LAMP1: variants seen among roughly 807,000 people sequenced by gnomAD.
LAMP1 encodes lysosome associated membrane protein 1, also known as lysosome-associated membrane glycoprotein 1.
LAMP1 carries 7 observed loss-of-function variants against 37.5 expected under a neutral mutation model. That is an observed-to-expected ratio of 0.19 (90% CI 0.11 to 0.35). LAMP1 has a LOEUF of 0.35. Among genes scored for constraint, LAMP1 ranks in the 10% least tolerant of loss-of-function variants. The probability of loss-of-function intolerance (pLI) is 1.00; values close to 1 mark genes in which losing one functional copy is unlikely to be tolerated. For missense variants in LAMP1, 537 were observed against 552.8 expected, an observed-to-expected ratio of 0.97 and a Z score of 0.29; for synonymous variants, 236 against 229.1, an observed-to-expected ratio of 1.03 and a Z score of -0.27.
At chr13:113,308,519 T>G (rs899349109) in intron 2 of LAMP1, among the ~76,000 whole-genome samples, 1 of 151,546 alleles carries the variant, frequency 6.6e-6, no homozygotes, top group African/African-American at 2.4e-5. Context: ...GAGACAGGGA[T>G]TCTCCATGTT....
chr13:113,321,802 C>G lies in LAMP1; in HGVS notation c.1114+75C>G. ...GACTCCGCCTGTGGACGTTTAGTCG[C>G]TTCCGTGTGGGCTGGGGCGACGCCC... On this transcript the variant is annotated intron_variant, in intron 8 of 8. Transcript: ENST00000332556. The surrounding 1 kb of genome is among the most constrained non-coding windows in gnomAD (Gnocchi z 5.6). 1 of 1,464,170 alleles carries G rather than the reference C, an allele frequency of 6.8e-7. No homozygotes were observed. Among genetic ancestry groups the G allele is most frequent in the Non-Finnish European group, 9.4e-7 (1 of 1,062,040 alleles). 90.7% of individuals were successfully genotyped at this position (1,464,170 alleles called of 1,614,324 possible).
rs561196228 is a variant in LAMP1, at chr13:113,316,398, C to T, written c.563-3071C>T. Among the ~76,000 whole-genome samples the T allele has an allele frequency of 2.0e-5, 3 of 149,842 alleles. No individual in the cohort carries two copies. In the South Asian group the frequency reaches 6.4e-4, roughly 32 times the overall value. On this transcript the variant is annotated intron_variant, in intron 4 of 8. Coordinates refer to ENST00000332556, the MANE Select transcript of LAMP1 (RefSeq NM_005561.4). ...GTTGAAAATGAAGGTCACCGTGTCT[C>T]ATCTCCCACCCAATTTGGCATGATT...
chr13:113,302,629 T>G (rs1190081469), intron 1 of LAMP1, among the ~76,000 whole-genome samples: 1 of 152,158 alleles, frequency 6.6e-6, no homozygotes, highest in Non-Finnish European at 1.5e-5. Flanking sequence ...GGTCTTGCTG[T>G]GTTGACCAGC....
At position 113,322,948 on chromosome 13, in the gene LAMP1, T is replaced by C. The variant is rs904854736; in HGVS notation, c.*527T>C. The stretch of plus-strand genomic sequence containing the variant: ...GGTGTTTGGTTTCTTCATTCTTTAC[T>C]GCACTCAGATTTAAGCCTTACAAAG... On this transcript the variant is annotated 3_prime_UTR_variant, in exon 9 of 9. Coordinates refer to ENST00000332556, the MANE Select transcript of LAMP1 (RefSeq NM_005561.4). 2.4e-4 allele frequency: 37 copies of C among 156,694 alleles called. No individual in the cohort carries two copies. The highest frequency in any genetic ancestry group is 1.9e-4 in the Admixed American group (3 of 15,590). 9.7% of individuals were successfully genotyped at this position (156,694 alleles called of 1,614,324 possible). A position where few individuals can be genotyped will look rare whatever the true frequency, so the allele number is the denominator to read the frequency against.
chr13:113,309,103 G>GTTGTT (rs1209644246), intron 2 of LAMP1, among the ~76,000 whole-genome samples: 2 of 152,158 alleles, frequency 1.3e-5, no homozygotes, highest in Non-Finnish European at 2.9e-5. Context: ...AATTTATGGG[G>GTTGTT]TTGTTTTGTT....
intron 1 of LAMP1, among the ~76,000 whole-genome samples, chr13:113,303,256 A>G (rs1230499976): frequency 6.6e-6 from 1 of 152,188 alleles, no homozygotes; most frequent in African/African-American, 2.4e-5. Context: ...GAGGGCTGTG[A>G]CTCAGAAGCA....
intron 1 of LAMP1, among the ~76,000 whole-genome samples, chr13:113,301,627 TAAAAAAAAAAA>T (rs1161593860): frequency 1.1e-4 from 1 of 9,392 alleles, no homozygotes; most frequent in African/African-American, 2.8e-4. Context: ...TGTTTCCATT[TAAAAAAAAAAA>T]AAAAAAATAT....
chr13:113,315,352 C>T (rs1162608370), intron 4 of LAMP1, among the ~76,000 whole-genome samples: 3 of 146,522 alleles, frequency 2.0e-5, no homozygotes, highest in Admixed American at 1.4e-4. Flanking sequence ...GCCTGGGTGG[C>T]GCTTCACCAG....
chr13:113,319,691 G>A (rs761779089), intron 5 of LAMP1, 35 bp downstream of exon 5: 6 of 1,580,372 alleles, frequency 3.8e-6, no homozygotes, highest in Admixed American at 3.4e-5. Flanking sequence ...GAGGGGGACG[G>A]CACGGTAGGG....
At chr13:113,315,382 C>CTTTTTTTTTTTT (rs1158608278) in intron 4 of LAMP1, among the ~76,000 whole-genome samples, 1 of 60,398 alleles carries the variant, frequency 1.7e-5, no homozygotes, top group South Asian at 8.8e-4. Flanking sequence ...TGTATCTTGT[C>CTTTTTTTTTTTT]TTTTTTTTTT....
chr13:113,315,960 G>A (rs948865812), intron 4 of LAMP1, among the ~76,000 whole-genome samples: 3 of 151,986 alleles, frequency 2.0e-5, no homozygotes, highest in Admixed American at 6.5e-5. Flanking sequence ...AAAATTAGTC[G>A]GGCGTGGTGG....
Position 113,322,601 on chromosome 13 carries a change from A to AATTTTGCTAACTGGGTTAAAT in LAMP1, c.*195_*215dup. The AATTTTGCTAACTGGGTTAAAT allele has an allele frequency of 2.0e-6, 1 of 490,938 alleles. No individual in the cohort carries two copies. The highest frequency in any genetic ancestry group is 4.1e-5 in the Admixed American group (1 of 24,536). The allele number at this position is 490,938 out of a possible 1,614,324, so 30.4% of individuals were successfully genotyped here. ...GAGTAACTATCGAAATGACGGTGTT[A>AATTTTGCTAACTGGGTTAAAT]ATTTTGCTAACTGGGTTAAATATTT... is the stretch of plus-strand genomic sequence containing the variant. On this transcript the variant is annotated 3_prime_UTR_variant, in exon 9 of 9. Transcript: ENST00000332556.
intron 4 of LAMP1, among the ~76,000 whole-genome samples, chr13:113,316,366 G>C (rs1205378082): frequency 6.6e-6 from 1 of 151,610 alleles, no homozygotes. Flanking sequence ...CCTGACTCCT[G>C]TTAGGAGTTG....
intron 4 of LAMP1, among the ~76,000 whole-genome samples, chr13:113,314,837 G>A (rs540980137): frequency 1.1e-4 from 14 of 125,478 alleles, no homozygotes; most frequent in African/African-American, 4.5e-4. Context: ...TGCCTGGGGC[G>A]TGGCCTCCTG....
Position 113,321,542 on chromosome 13 carries a change from CTG to C in LAMP1, c.944-7_944-6del, listed in dbSNP as rs1566405089. The C allele has an allele frequency of 2.5e-6, 4 of 1,613,870 alleles. No individual in the cohort carries two copies. Among genetic ancestry groups the C allele is most frequent in the Admixed American group, 1.7e-5 (1 of 59,974 alleles). Reference sequence around the variant, plus strand: ...AGGGTATTCTGGAGCCACTAGACCTCTGTGTGTGTTGCAGACCCTGCCTTTAA... The same window carrying C: ...AGGGTATTCTGGAGCCACTAGACCTCTGTGTGTTGCAGACCCTGCCTTTAA... On this transcript the variant is annotated splice_polypyrimidine_tract_variant and intron_variant, in intron 7 of 8. Transcript: ENST00000332556. This position sits in a 1 kb window ranked among gnomAD's most constrained non-coding sequence, Gnocchi z 5.6.
intron 4 of LAMP1, among the ~76,000 whole-genome samples, chr13:113,311,583 G>C (rs1007367856): frequency 3.3e-5 from 5 of 152,174 alleles, no homozygotes; most frequent in African/African-American, 1.2e-4. Flanking sequence ...GGTGCAGAAA[G>C]ACCAACGCTG....
Position 113,321,385 on chromosome 13 carries a change from G to A in LAMP1, c.877-19G>A. On this transcript the variant is annotated intron_variant, in intron 6 of 8. Transcript: ENST00000332556. The surrounding 1 kb of genome is among the most constrained non-coding windows in gnomAD (Gnocchi z 5.6). ...TCTATGAATCTGCTCCGTGATTAAA[G>A]ATCATTTTTCTTTTTAAGAATGCAA... The A allele has an allele frequency of 1.9e-6, 3 of 1,596,060 alleles. No homozygotes were observed. The highest frequency in any genetic ancestry group is 2.2e-5 in the East Asian group (1 of 44,788).
intron 4 of LAMP1, among the ~76,000 whole-genome samples, chr13:113,314,238 G>A (rs1390171467): frequency 3.1e-5 from 4 of 130,022 alleles, no homozygotes; most frequent in East Asian, 2.7e-4. Context: ...GAACCAGTGC[G>A]GAGATGTCGG....
chr13:113,320,279 G>GTT lies in LAMP1; in HGVS notation c.751-64_751-63dup. The GTT allele has an allele frequency of 6.3e-7, 1 of 1,596,580 alleles. No homozygotes were observed. Among genetic ancestry groups the GTT allele is most frequent in the South Asian group, 1.1e-5 (1 of 90,638 alleles). On this transcript the variant is annotated intron_variant, in intron 5 of 8. Transcript: ENST00000332556. This position sits in a 1 kb window ranked among gnomAD's most constrained non-coding sequence, Gnocchi z 4.4. The stretch of plus-strand genomic sequence containing the variant: ...GCCTTGAATTCACGGTTTCAGGACT[G>GTT]TTTGTCTTTTCGAGAGTGTGGAGGA...
Sources: gnomAD v4.1 joint callset for allele counts (sites outside exome capture counted in the v4.1 genomes callset) on GRCh38, gnomAD v4.1.1 for gene constraint, Gnocchi (gnomAD v3.1) non-coding constraint, MANE v1.5 for transcripts, NCBI Gene and HGNC (gene_info 2026-07-23, HGNC 2026-07-21) for gene names.